GRAMD4: variants seen among roughly 807,000 people sequenced by gnomAD.
GRAMD4 encodes GRAM domain-containing protein 4.
GRAMD4 carries 25 observed loss-of-function variants against 83.9 expected under a neutral mutation model. The observed-to-expected ratio is 0.30, with a 90% CI of 0.22 to 0.42. GRAMD4 has a LOEUF of 0.42. GRAMD4 is among the 10% of genes least tolerant of loss of function. The probability of loss-of-function intolerance (pLI) is 1.00; values close to 1 mark genes in which losing one functional copy is unlikely to be tolerated. For synonymous variants in GRAMD4, 336 were observed against 320.9 expected (o/e 1.05, Z -0.50); for missense variants, 593 against 788.7 (o/e 0.75, Z 2.97).
chr22:46,653,037 G>A (rs1355992070), intron 3 of GRAMD4, among the ~76,000 whole-genome samples: 1 of 152,184 alleles, frequency 6.6e-6, no homozygotes, highest in Non-Finnish European at 1.5e-5. Flanking sequence ...GGAGCCGTGT[G>A]CTCAGAGATA....
chr22:46,620,350 G>A, upstream of GRAMD4: 1 of 985,562 alleles, frequency 1.0e-6, no homozygotes, highest in Non-Finnish European at 1.2e-6. The surrounding 1 kb of genome is among the most constrained non-coding windows in gnomAD (Gnocchi z 4.7). Flanking sequence ...GGGAGAACCT[G>A]GACAGCCGTG....
At chr22:46,577,914 C>T (rs1046846549) in intron 1 of GRAMD4, among the ~76,000 whole-genome samples, 4 of 152,210 alleles carry the variant, frequency 2.6e-5, no homozygotes, top group African/African-American at 7.2e-5. Context: ...GTGGCAACCC[C>T]GGCCCGAGGC....
At position 46,621,697 on chromosome 22, in the gene GRAMD4, C is replaced by T. The variant is rs1238735367; in HGVS notation, c.-50+1132C>T. 2.6e-4 allele frequency among the ~76,000 whole-genome samples: 38 copies of T among 144,972 alleles called. No individual in the cohort carries two copies. Among genetic ancestry groups the T allele is most frequent in the African/African-American group, 8.9e-4 (34 of 38,350 alleles). On this transcript the variant is annotated intron_variant, in intron 1 of 18. Transcript: ENST00000406902. This position sits in a 1 kb window ranked among gnomAD's most constrained non-coding sequence, Gnocchi z 5.8. ...CCCCGGTGCAGGCACAGGCTGGAGG[C>T]GTAGCCCGGGCCCGTCCCTGGCGCT...
chr22:46,638,003 T>C, intron 3 of GRAMD4, 43 bp downstream of exon 3: 1 of 1,602,250 alleles, frequency 6.2e-7, no homozygotes, highest in Non-Finnish European at 8.5e-7. Context: ...ACAAGGTGGG[T>C]CAGGGGTGGC....
At position 46,673,826 on chromosome 22, in the gene GRAMD4, G is replaced by T. The variant is rs573074591; in HGVS notation, c.1384+12G>T. 3.1e-6 allele frequency: 5 copies of T among 1,612,360 alleles called. No individual in the cohort carries two copies. The highest frequency in any genetic ancestry group is 1.1e-5 in the South Asian group (1 of 91,064). ...GCGTCCGCTGGCGGGTATGTGTGCC[G>T]TGAGTCTGAGGCCAGGCCGAGCGCC... On this transcript the variant is annotated intron_variant, in intron 15 of 18. Coordinates refer to ENST00000406902, the MANE Select transcript of GRAMD4 (RefSeq NM_015124.5).
intron 13 of GRAMD4, chr22:46,671,245 C>A: frequency 3.8e-6 from 1 of 264,580 alleles, no homozygotes. Context: ...TAGCATCTTT[C>A]AAGAATCAAC....
At chr22:46,632,978 C>T (rs1569274758) in intron 2 of GRAMD4, among the ~76,000 whole-genome samples, 2 of 152,228 alleles carry the variant, frequency 1.3e-5, no homozygotes, top group South Asian at 4.1e-4. Flanking sequence ...ACCCACACAG[C>T]CCCCCGCCCG....
intron 9 of GRAMD4, 131 bp from the exon 10 acceptor site, chr22:46,666,694 C>A: frequency 1.3e-6 from 1 of 749,446 alleles, no homozygotes; most frequent in Non-Finnish European, 2.4e-6. Context: ...CTTTTCTCCC[C>A]ATTGGGCAGC....
At chr22:46,586,266 G>A (rs554561952) in intron 1 of GRAMD4, among the ~76,000 whole-genome samples, 2 of 152,286 alleles carry the variant, frequency 1.3e-5, no homozygotes, top group East Asian at 3.9e-4. Context: ...CCTTGCCCTG[G>A]CTCCTCCCCA....
At chr22:46,637,155 G>T (rs994547452) in intron 2 of GRAMD4, among the ~76,000 whole-genome samples, 7 of 152,190 alleles carry the variant, frequency 4.6e-5, no homozygotes, top group Middle Eastern at 3.2e-3. Flanking sequence ...CGGCCAGCCG[G>T]ACACACGGGG....
rs776893831 is a variant in GRAMD4, at chr22:46,663,149, A to G, written c.576A>G (p.Thr192=). 6.2e-6 allele frequency: 10 copies of G among 1,611,948 alleles called. No individual in the cohort carries two copies. The highest frequency in any genetic ancestry group is 1.7e-4 in the Middle Eastern group (1 of 6,046). ...RFQPEENTVE[T]EEPLSARRLT... is the part of the protein sequence containing the mutation. ...AGCCCGAGGAGAACACTGTGGAGACAGAGGAACCCCTGAGCGCCCGCAGGT... is the reference window on the plus strand; with the variant it reads ...AGCCCGAGGAGAACACTGTGGAGACGGAGGAACCCCTGAGCGCCCGCAGGT... Residue 192 remains threonine (T), a synonymous_variant, in exon 6 of 19, where the codon ACA becomes ACG. Coordinates refer to ENST00000406902, the MANE Select transcript of GRAMD4 (RefSeq NM_015124.5).
intron 3 of GRAMD4, among the ~76,000 whole-genome samples, chr22:46,649,472 A>G (rs1463747695): frequency 6.6e-6 from 1 of 152,176 alleles, no homozygotes; most frequent in Admixed American, 6.5e-5. Context: ...GTTTCTGAAA[A>G]CCAGCTGCTC....
chr22:46,647,976 G>A (rs1489444525), intron 3 of GRAMD4, among the ~76,000 whole-genome samples: 5 of 152,266 alleles, frequency 3.3e-5, no homozygotes, highest in Admixed American at 3.3e-4. Flanking sequence ...AGGGAGTAAA[G>A]GTAGCTGCTG....
chr22:46,644,722 T>G (rs1320776408), intron 3 of GRAMD4, among the ~76,000 whole-genome samples: 7 of 134,740 alleles, frequency 5.2e-5, no homozygotes, highest in Non-Finnish European at 8.0e-5. Flanking sequence ...TTTTTTTTTT[T>G]TTTTTTTTTT....
chr22:46,681,764 A>T (rs1289550429), downstream of GRAMD4, among the ~76,000 whole-genome samples: 1 of 152,196 alleles, frequency 6.6e-6, no homozygotes, highest in Non-Finnish European at 1.5e-5. Context: ...ATGTTTTTAA[A>T]TATTTACTGG....
rs1172868085 is a variant in GRAMD4 at position 46,666,537 on chromosome 22, A to G, written c.810-288A>G. ...TCAGGATCAGCTTGGACACTTGCTG[A>G]TGCCACTTTGGATGTTGAAGGGCCG... On this transcript the variant is annotated intron_variant, in intron 9 of 18. Transcript: ENST00000406902. 2.0e-5 allele frequency among the ~76,000 whole-genome samples: 3 copies of G among 151,974 alleles called. No homozygotes were observed. In the East Asian group the frequency reaches 5.8e-4, roughly 29 times the overall value.
chr22:46,607,818 C>T (rs1423596740), intron 1 of GRAMD4, among the ~76,000 whole-genome samples: 1 of 152,224 alleles, frequency 6.6e-6, no homozygotes, highest in Non-Finnish European at 1.5e-5. Context: ...CAAAAGTGCC[C>T]TGCATGTGCT....
chr22:46,609,335 C>T (rs1345506142), intron 1 of GRAMD4, among the ~76,000 whole-genome samples: 3 of 152,206 alleles, frequency 2.0e-5, no homozygotes, highest in African/African-American at 7.2e-5. Context: ...GCCTGCTGTG[C>T]GGGGTAGCCC....
intron 8 of GRAMD4, 35 bp downstream of exon 8, chr22:46,664,152 T>G (rs1601664583): frequency 5.1e-6 from 7 of 1,383,302 alleles, no homozygotes; most frequent in South Asian, 1.2e-5. Flanking sequence ...GCAGGGTGGG[T>G]GGGATGTGCC....
Sources: gnomAD v4.1 joint callset for allele counts (sites outside exome capture counted in the v4.1 genomes callset) on GRCh38, gnomAD v4.1.1 for gene constraint, Gnocchi (gnomAD v3.1) non-coding constraint, MANE v1.5 for transcripts, NCBI Gene and HGNC (gene_info 2026-07-23, HGNC 2026-07-21) for gene names.